SEMA5B: variants seen among roughly 807,000 people sequenced by gnomAD.
The protein encoded by SEMA5B is semaphorin 5B.
SEMA5B carries 66 observed loss-of-function variants against 135.0 expected under a neutral mutation model. The observed-to-expected ratio is 0.49, with a 90% CI of 0.40 to 0.60. The LOEUF (loss-of-function observed/expected upper bound fraction) is 0.60. Among genes scored for constraint, SEMA5B ranks in the 20% least tolerant of loss-of-function variants. The pLI is 0.00. For synonymous variants in SEMA5B, 690 were observed against 639.5 expected, an observed-to-expected ratio of 1.08 and a Z score of -1.19; for missense variants, 1,501 against 1,566.3, an observed-to-expected ratio of 0.96 and a Z score of 0.70.
At chr3:122,911,230 A>G (rs1485587388) in intron 21 of SEMA5B, 185 bp from the exon 22 acceptor site, 1 of 1,072,386 alleles carries the variant, frequency 9.3e-7, no homozygotes, top group East Asian at 2.6e-5. Flanking sequence ...TTCACAAGGT[A>G]CCCTGTGGCT....
rs1305901287 is a variant in SEMA5B at position 122,915,514 on chromosome 3, G to C, written c.1914C>G (p.Ser638=). The C allele has an allele frequency of 5.6e-6, 9 of 1,613,878 alleles. No homozygotes were observed. Among genetic ancestry groups the C allele is most frequent in the Non-Finnish European group, 7.6e-6 (9 of 1,180,014 alleles). Residue 638 remains serine (S), a synonymous_variant, in exon 14 of 23, where the codon TCC becomes TCG. Transcript: ENST00000357599. ...NSGSCLCRAR[S]CDSPRPRCGG... ...CACAGCGGGGTCGAGGGGAATCACAGGATCGAGCTCGACACAGGCAAGAGC... is the reference window on the plus strand; with the variant it reads ...CACAGCGGGGTCGAGGGGAATCACACGATCGAGCTCGACACAGGCAAGAGC...
intron 10 of SEMA5B, 101 bp downstream of exon 10, chr3:122,923,516 C>G (rs1938475645): frequency 7.4e-7 from 1 of 1,346,068 alleles, no homozygotes; most frequent in African/African-American, 1.4e-5. Context: ...AGGGACGGGT[C>G]TGGTGTCTGT....
chr3:122,951,337 G>C (rs1576360475), intron 2 of SEMA5B, among the ~76,000 whole-genome samples: 1 of 152,230 alleles, frequency 6.6e-6, no homozygotes, highest in East Asian at 1.9e-4. Flanking sequence ...ATCTTTGTAG[G>C]TTATCTATAA....
At chr3:123,006,528 A>G (rs548574785) in intron 1 of SEMA5B, among the ~76,000 whole-genome samples, 12 of 152,328 alleles carry the variant, frequency 7.9e-5, no homozygotes, top group Non-Finnish European at 1.6e-4. Flanking sequence ...TTAAACAACA[A>G]CCTTCTAAGG....
At chr3:123,011,555 G>T (rs1358052978) in intron 1 of SEMA5B, among the ~76,000 whole-genome samples, 2 of 152,246 alleles carry the variant, frequency 1.3e-5, no homozygotes, top group Non-Finnish European at 2.9e-5. Context: ...CCCCAGGACA[G>T]CAGACTCTGC....
At chr3:122,920,198 T>C (rs1196734935) in intron 12 of SEMA5B, among the ~76,000 whole-genome samples, 1 of 152,230 alleles carries the variant, frequency 6.6e-6, no homozygotes, top group Non-Finnish European at 1.5e-5. Context: ...CCTTTGGCCT[T>C]CTCAGTTGGC....
At chr3:122,973,765 C>G (rs576285440) in intron 1 of SEMA5B, among the ~76,000 whole-genome samples, 1 of 151,988 alleles carries the variant, frequency 6.6e-6, no homozygotes, top group African/African-American at 2.4e-5. Context: ...AATCTGCAAC[C>G]CACCAAGTGT....
At position 122,929,120 on chromosome 3, in the gene SEMA5B, T is replaced by C. The variant is rs376321120; in HGVS notation, c.475-62A>G. 33 of 1,517,674 alleles carry C rather than the reference T, an allele frequency of 2.2e-5. 2 individuals are homozygous for C. The highest frequency in any genetic ancestry group is 3.4e-5 in the Admixed American group (2 of 59,132). The allele number at this position is 1,517,674 out of a possible 1,614,324, so 94.0% of individuals were successfully genotyped here. A position where few individuals can be genotyped will look rare whatever the true frequency, so the allele number is the denominator to read the frequency against. ...GGCTGTGTCATTTACTGCCACTCAC[T>C]GGCAGAGCAGGCAGCAGCCAGTGTC... is the stretch of plus-strand genomic sequence containing the variant. On this transcript the variant is annotated intron_variant, in intron 5 of 22. Transcript: ENST00000357599.
chr3:123,014,578 T>C (rs1236342734), intron 1 of SEMA5B, among the ~76,000 whole-genome samples: 1 of 152,176 alleles, frequency 6.6e-6, no homozygotes, highest in Non-Finnish European at 1.5e-5. Context: ...CAGGGAAGTG[T>C]CCAGGGGCCA....
intron 1 of SEMA5B, among the ~76,000 whole-genome samples, chr3:122,963,163 A>G (rs1940662059): frequency 6.6e-6 from 1 of 152,226 alleles, no homozygotes; most frequent in Non-Finnish European, 1.5e-5. Context: ...GAAACTTTCA[A>G]TTACAGACCA....
intron 3 of SEMA5B, among the ~76,000 whole-genome samples, chr3:122,947,852 A>C (rs1028492553): frequency 6.6e-6 from 1 of 152,058 alleles, no homozygotes; most frequent in Admixed American, 6.5e-5. Flanking sequence ...ACCCCCCCCA[A>C]ACTGTGTAAC....
chr3:122,956,189 C>A (rs1376179550), intron 2 of SEMA5B, among the ~76,000 whole-genome samples: 1 of 152,248 alleles, frequency 6.6e-6, no homozygotes, highest in Non-Finnish European at 1.5e-5. Flanking sequence ...AAATCTTCAG[C>A]AGTGAAGAAA....
In SEMA5B at chr3:122,912,270, C is replaced by T. The variant is rs780991735; in HGVS notation, c.2798G>A (p.Arg933His). ...TGCGGGGCTGGTGCAGGAACGGGTGCGTTGATAGTGACCCCCACCACAGGA... is the reference window on the plus strand; with the variant it reads ...TGCGGGGCTGGTGCAGGAACGGGTGTGTTGATAGTGACCCCCACCACAGGA... ...SASCGGGHYQ[R>H]TRSCTSPAPS... Residue 933 changes from arginine (R) to histidine (H), a missense_variant, in exon 19 of 23, where the codon CGC becomes CAC. By Grantham distance (29) the Arg-to-His change is conservative (BLOSUM62 0). Coordinates refer to ENST00000357599, the MANE Select transcript of SEMA5B (RefSeq NM_001031702.4). 6.2e-7 allele frequency: 1 copy of T among 1,611,888 alleles called. No homozygotes were observed. Among genetic ancestry groups the T allele is most frequent in the Non-Finnish European group, 8.5e-7 (1 of 1,178,998 alleles).
rs1355669562 is a variant in SEMA5B, at chr3:122,913,682, C to A, written c.2133-1G>T. 1 of 1,613,448 alleles carries A rather than the reference C, an allele frequency of 6.2e-7. No homozygotes were observed. The highest frequency in any genetic ancestry group is 1.7e-5 in the Admixed American group (1 of 59,980). ...GCAAGGCGTGTTCTCATTACAGAAC[C>A]TGGGGTCGGGGGAGAGGCGTCAATC... On this transcript the variant is annotated splice_acceptor_variant, in intron 15 of 22. Transcript: ENST00000357599. LOFTEE classifies it high-confidence loss of function.
chr3:122,999,404 T>C (rs1320595548), intron 1 of SEMA5B, among the ~76,000 whole-genome samples: 1 of 152,072 alleles, frequency 6.6e-6, no homozygotes, highest in Admixed American at 6.5e-5. Context: ...TTTGTATTTT[T>C]AGTAGAGATG....
intron 1 of SEMA5B, among the ~76,000 whole-genome samples, chr3:122,983,096 A>G (rs1210783131): frequency 6.6e-6 from 1 of 152,146 alleles, no homozygotes; most frequent in Admixed American, 6.5e-5. Flanking sequence ...CCATTCCCCC[A>G]ACCCCACCTG....
chr3:122,939,810 C>T (rs549332497), intron 4 of SEMA5B, among the ~76,000 whole-genome samples: 1 of 152,322 alleles, frequency 6.6e-6, no homozygotes, highest in Admixed American at 6.5e-5. Flanking sequence ...GGAGGAACCC[C>T]TTGACCCCAC....
chr3:122,926,730 T>A (rs560178254), intron 8 of SEMA5B, 53 bp from the exon 9 acceptor site: 11 of 1,586,220 alleles, frequency 6.9e-6, no homozygotes, highest in African/African-American at 1.3e-5. Flanking sequence ...GGGAAGAAGA[T>A]GGCAGAGTCG....
At chr3:123,019,426 A>G (rs1942629368) in intron 1 of SEMA5B, among the ~76,000 whole-genome samples, 2 of 152,102 alleles carry the variant, frequency 1.3e-5, no homozygotes, top group Non-Finnish European at 2.9e-5. Context: ...CCGTCTCTAC[A>G]TGAAACACAA....
Sources: allele counts gnomAD v4.1 joint callset (sites outside exome capture counted in the v4.1 genomes callset), GRCh38; gene constraint gnomAD v4.1.1; transcripts MANE v1.5; gene names NCBI Gene and HGNC (gene_info 2026-07-23, HGNC 2026-07-21).